The following CTNNA3 variants were observed in gnomAD, a reference collection of about 807,000 sequenced individuals.
CTNNA3 encodes the protein catenin alpha 3.
Under a neutral mutation model 95.7 loss-of-function variants are expected in CTNNA3, and 76 were observed. The observed-to-expected ratio is 0.79, with a 90% CI of 0.66 to 0.96. The LOEUF (loss-of-function observed/expected upper bound fraction) is 0.96, where lower values mean the gene tolerates loss of function less well. Among genes scored for constraint, CTNNA3 ranks in the 40% least tolerant of loss-of-function variants. The pLI, the probability that CTNNA3 is intolerant of heterozygous loss-of-function variation, is 0.00. For synonymous variants in CTNNA3, 431 were observed against 374.4 expected, an observed-to-expected ratio of 1.15 and a Z score of -1.74; for missense variants, 1,191 against 1,089.8, an observed-to-expected ratio of 1.09 and a Z score of -1.31.
chr10:66,012,715 A>C (rs907896841), intron 15 of CTNNA3, among the ~76,000 whole-genome samples: 4 of 152,194 alleles, frequency 2.6e-5, no homozygotes, highest in African/African-American at 9.6e-5. Context: ...TAATTTCTAC[A>C]AACTCCATGA....
intron 9 of CTNNA3, among the ~76,000 whole-genome samples, chr10:66,701,704 C>A (rs2132572950): frequency 6.6e-6 from 1 of 152,120 alleles, no homozygotes; most frequent in East Asian, 1.9e-4. Context: ...ATCCTGAAAC[C>A]TTGCAAAGCT....
chr10:66,942,574 C>G (rs927356244), intron 7 of CTNNA3, among the ~76,000 whole-genome samples: 7 of 141,650 alleles, frequency 4.9e-5, no homozygotes, highest in African/African-American at 1.8e-4. Flanking sequence ...CTCTCTCTCT[C>G]TCTGTGTGTG....
At chr10:66,013,554 C>A (rs1344161098) in intron 15 of CTNNA3, among the ~76,000 whole-genome samples, 1 of 152,140 alleles carries the variant, frequency 6.6e-6, no homozygotes, top group Non-Finnish European at 1.5e-5. Context: ...TGCTAACGCG[C>A]TTTTAACTGA....
chr10:67,376,337 A>G (rs1028547347), intron 5 of CTNNA3, among the ~76,000 whole-genome samples: 3 of 152,188 alleles, frequency 2.0e-5, no homozygotes, highest in African/African-American at 7.2e-5. Flanking sequence ...GCTTCCTTAG[A>G]CTTCATAGTG....
chr10:67,574,839 C>CTTCTGTCTTCATCT (rs1842093454), intron 3 of CTNNA3, among the ~76,000 whole-genome samples: 2 of 152,230 alleles, frequency 1.3e-5, no homozygotes, highest in South Asian at 4.2e-4. Context: ...CCTCGGCCTC[C>CTTCTGTCTTCATCT]CAAAGTGTTG....
At chr10:67,438,504 C>T (rs1701140247) in intron 5 of CTNNA3, among the ~76,000 whole-genome samples, 1 of 152,144 alleles carries the variant, frequency 6.6e-6, no homozygotes, top group African/African-American at 2.4e-5. Flanking sequence ...ATAGAAGCCA[C>T]CATCAATTGT....
intron 3 of CTNNA3, among the ~76,000 whole-genome samples, chr10:67,583,528 TTA>T (rs763974802): frequency 6.6e-6 from 1 of 152,166 alleles, no homozygotes; most frequent in Non-Finnish European, 1.5e-5. Flanking sequence ...AATCTGACAA[TTA>T]TATGTCTTGT....
At chr10:66,999,908 A>C (rs1469850942) in intron 7 of CTNNA3, among the ~76,000 whole-genome samples, 1 of 152,204 alleles carries the variant, frequency 6.6e-6, no homozygotes, top group Non-Finnish European at 1.5e-5. Context: ...ATTGAAGGTC[A>C]TCTGATTTGT....
chr10:67,704,487 T>A (rs924746688), intron 1 of CTNNA3, among the ~76,000 whole-genome samples: 4 of 152,194 alleles, frequency 2.6e-5, no homozygotes, highest in Non-Finnish European at 5.9e-5. Context: ...TCTACAACTA[T>A]CTGATCTTTG....
intron 12 of CTNNA3, among the ~76,000 whole-genome samples, chr10:66,292,051 G>T (rs2091691195): frequency 6.8e-6 from 1 of 148,032 alleles, no homozygotes; most frequent in Admixed American, 6.8e-5. Flanking sequence ...CACCAAATTT[G>T]GTATATAAAA....
chr10:66,722,660 C>A (rs1234990974), intron 9 of CTNNA3, among the ~76,000 whole-genome samples: 2 of 151,808 alleles, frequency 1.3e-5, no homozygotes, highest in Non-Finnish European at 2.9e-5. Flanking sequence ...ACCCTCCAAC[C>A]AAATTTGTGG....
chr10:66,033,462 A>T lies in CTNNA3; in HGVS notation c.2159+35846T>A, dbSNP rs113975109. Among the ~76,000 whole-genome samples the T allele has an allele frequency of 8.7e-3, 1,317 of 151,148 alleles. 21 individuals are homozygous for T. The highest frequency in any genetic ancestry group is 0.03 in the African/African-American group (1,244 of 41,248). ...ATTGTTTGTTTAATCTGGATTCTAA[A>T]CCTTTTTTTTAAAATGCATATAAGT... On this transcript the variant is annotated intron_variant, in intron 15 of 17. Coordinates refer to ENST00000433211, the MANE Select transcript of CTNNA3 (RefSeq NM_013266.4).
At chr10:66,721,256 A>G (rs1227934314) in intron 9 of CTNNA3, among the ~76,000 whole-genome samples, 2 of 152,204 alleles carry the variant, frequency 1.3e-5, no homozygotes, top group Non-Finnish European at 2.9e-5. Flanking sequence ...AGTCTAATTT[A>G]CAAAAACATG....
At chr10:66,534,089 C>G (rs1841563900) in intron 10 of CTNNA3, among the ~76,000 whole-genome samples, 1 of 152,152 alleles carries the variant, frequency 6.6e-6, no homozygotes, top group African/African-American at 2.4e-5. Context: ...GTTGATCCAT[C>G]CTGTGCTCAA....
chr10:65,926,380 T>C (rs1396850364), intron 17 of CTNNA3, among the ~76,000 whole-genome samples: 1 of 152,104 alleles, frequency 6.6e-6, no homozygotes, highest in South Asian at 2.1e-4. Context: ...TGTGGAATTA[T>C]GAAAATGCAT....
intron 13 of CTNNA3, among the ~76,000 whole-genome samples, chr10:66,158,648 T>G (rs1371863061): frequency 2.6e-5 from 4 of 152,128 alleles, no homozygotes; most frequent in African/African-American, 4.8e-5. Context: ...TTTGGTTCCA[T>G]ATGAATTTTA....
At chr10:66,410,491 C>T (rs935828554) in intron 11 of CTNNA3, among the ~76,000 whole-genome samples, 2 of 152,162 alleles carry the variant, frequency 1.3e-5, no homozygotes, top group African/African-American at 4.8e-5. Context: ...CAAACCTAAG[C>T]TTCTGTGCCT....
chr10:66,934,024 T>C (rs141705690), intron 7 of CTNNA3, among the ~76,000 whole-genome samples: 1 of 152,126 alleles, frequency 6.6e-6, no homozygotes, highest in Non-Finnish European at 1.5e-5. Flanking sequence ...ATGGACGCTC[T>C]TGAGTTAGGG....
intron 5 of CTNNA3, among the ~76,000 whole-genome samples, chr10:67,518,634 GTTA>G (rs1158797848): frequency 1.3e-5 from 2 of 152,038 alleles, no homozygotes; most frequent in African/African-American, 4.8e-5. Context: ...GTTTTATAAT[GTTA>G]TTATAAGTTT....
Sources: allele counts gnomAD v4.1 joint callset (sites outside exome capture counted in the v4.1 genomes callset), GRCh38; gene constraint gnomAD v4.1.1; transcripts MANE v1.5; gene names NCBI Gene and HGNC (gene_info 2026-07-23, HGNC 2026-07-21).